UNC5C: variants seen among roughly 807,000 people sequenced by gnomAD.
The protein encoded by UNC5C is netrin receptor UNC5C.
In UNC5C, 47 loss-of-function variants were observed where a neutral mutation model predicts 99.8. That is an observed-to-expected ratio of 0.47 (90% CI 0.37 to 0.60). The LOEUF is 0.60. Among genes scored for constraint, UNC5C ranks in the 20% least tolerant of loss-of-function variants. The pLI, the probability that UNC5C is intolerant of heterozygous loss-of-function variation, is 0.00. For synonymous variants in UNC5C, 487 were observed against 452.2 expected, an observed-to-expected ratio of 1.08 and a Z score of -0.98; for missense variants, 1,062 against 1,165.9, an observed-to-expected ratio of 0.91 and a Z score of 1.30.
rs951938683 is a variant in UNC5C at position 95,163,953 on chromosome 4, G to A, written c.*5281C>T. On this transcript the variant is annotated 3_prime_UTR_variant, in exon 16 of 16. Transcript: ENST00000453304. ...GTACCTGTTGGTTTGTCCTGCTGAT[G>A]CCCCCCAACCATGCTAAATAGGTCT... 13 of 152,296 alleles carry A rather than the reference G, an allele frequency of 8.5e-5. No homozygotes were observed. Among genetic ancestry groups the A allele is most frequent in the African/African-American group, 3.1e-4 (13 of 41,544 alleles). The allele number at this position is 152,296 out of a possible 1,614,324, so 9.4% of individuals were successfully genotyped here.
chr4:95,245,294 T>C (rs756423305), intron 5 of UNC5C, 150 bp from the exon 6 acceptor site: 5 of 879,010 alleles, frequency 5.7e-6, no homozygotes, highest in Admixed American at 3.7e-5. Context: ...GAAGAGACCA[T>C]GGACCTCATT....
chr4:95,468,892 C>G (rs1747879970), intron 1 of UNC5C, among the ~76,000 whole-genome samples: 1 of 152,162 alleles, frequency 6.6e-6, no homozygotes, highest in African/African-American at 2.4e-5. Flanking sequence ...TGGCAAGGTA[C>G]TTCCTGACTT....
chr4:95,509,227 A>AT lies in UNC5C; in HGVS notation c.124+39506dup, dbSNP rs201400209. ...TGTAGTTTTTTTCTAGTAACCATAC[A>AT]TTTTTTTGCAGTCTGTACCTATACT... On this transcript the variant is annotated intron_variant, in intron 1 of 15. Transcript: ENST00000453304. Among the ~76,000 whole-genome samples, 313 of 151,890 alleles carry AT rather than the reference A, an allele frequency of 2.1e-3. 5 individuals are homozygous for AT. The East Asian group carries it at 0.048, about 23-fold the overall frequency.
At chr4:95,390,074 T>C (rs947297409) in intron 1 of UNC5C, among the ~76,000 whole-genome samples, 18 of 152,112 alleles carry the variant, frequency 1.2e-4, no homozygotes, top group Non-Finnish European at 2.4e-4. Flanking sequence ...TTTTCGATCA[T>C]AATCTCCATT....
At chr4:95,218,496 A>C (rs570504536) in intron 9 of UNC5C, among the ~76,000 whole-genome samples, 3 of 152,334 alleles carry the variant, frequency 2.0e-5, no homozygotes, top group Non-Finnish European at 2.9e-5. Flanking sequence ...CTGTGTGATC[A>C]AGTTAGGTTA....
chr4:95,233,288 A>G (rs1738981291), intron 7 of UNC5C, among the ~76,000 whole-genome samples: 1 of 152,218 alleles, frequency 6.6e-6, no homozygotes, highest in East Asian at 1.9e-4. Flanking sequence ...TGATGCAGAC[A>G]CAATTCCAAG....
At chr4:95,363,415 A>G (rs1048462386) in intron 1 of UNC5C, among the ~76,000 whole-genome samples, 1 of 152,154 alleles carries the variant, frequency 6.6e-6, no homozygotes, top group Middle Eastern at 3.2e-3. Context: ...AAACAAGTGG[A>G]GATTTTATGA....
intron 2 of UNC5C, among the ~76,000 whole-genome samples, chr4:95,318,515 A>C (rs1288592166): frequency 6.6e-6 from 1 of 152,220 alleles, no homozygotes; most frequent in Non-Finnish European, 1.5e-5. Flanking sequence ...TGATAGAGCA[A>C]AAAGGTGAGA....
chr4:95,394,287 C>T (rs1006404085), intron 1 of UNC5C, among the ~76,000 whole-genome samples: 6 of 150,462 alleles, frequency 4.0e-5, no homozygotes, highest in Non-Finnish European at 7.4e-5. Flanking sequence ...ATCCCACTAA[C>T]GCAAGTTTTG....
chr4:95,423,550 A>G (rs1746379864), intron 1 of UNC5C, among the ~76,000 whole-genome samples: 1 of 152,232 alleles, frequency 6.6e-6, no homozygotes, highest in African/African-American at 2.4e-5. Context: ...AAAAGTTCCC[A>G]TGGTATTCTT....
At chr4:95,204,238 A>T (rs1447176004) in intron 11 of UNC5C, among the ~76,000 whole-genome samples, 2 of 152,242 alleles carry the variant, frequency 1.3e-5, no homozygotes, top group Non-Finnish European at 2.9e-5. Flanking sequence ...TTTTTATTTT[A>T]AAAAATAGTT....
intron 1 of UNC5C, among the ~76,000 whole-genome samples, chr4:95,501,651 G>T (rs2149484502): frequency 6.6e-6 from 1 of 152,166 alleles, no homozygotes; most frequent in African/African-American, 2.4e-5. Context: ...AAGTAAAGTG[G>T]TTTTAAAAAT....
chr4:95,284,035 T>A (rs1289069734), intron 3 of UNC5C, among the ~76,000 whole-genome samples: 1 of 152,222 alleles, frequency 6.6e-6, no homozygotes, highest in Non-Finnish European at 1.5e-5. Context: ...ATTTTCCATT[T>A]ATACATAACC....
intron 13 of UNC5C, among the ~76,000 whole-genome samples, chr4:95,184,733 T>A (rs562937928): frequency 1.3e-5 from 2 of 152,202 alleles, no homozygotes; most frequent in African/African-American, 2.4e-5. Flanking sequence ...TTTCTGTGAA[T>A]GCATTTCAAG....
intron 5 of UNC5C, among the ~76,000 whole-genome samples, chr4:95,249,877 A>G (rs1331913289): frequency 2.0e-5 from 3 of 152,218 alleles, no homozygotes; most frequent in Non-Finnish European, 4.4e-5. Context: ...AGAATGAGTT[A>G]TAAGAAGCTA....
chr4:95,547,424 A>G (rs575167926), intron 1 of UNC5C, among the ~76,000 whole-genome samples: 28 of 152,148 alleles, frequency 1.8e-4, no homozygotes, highest in Admixed American at 1.8e-3. Flanking sequence ...CTAAGATCAG[A>G]GGGAATGCTG....
At chr4:95,386,916 T>C (rs1745227365) in intron 1 of UNC5C, among the ~76,000 whole-genome samples, 1 of 152,168 alleles carries the variant, frequency 6.6e-6, no homozygotes, top group African/African-American at 2.4e-5. Flanking sequence ...ATTAGAAACC[T>C]ATACAAGATG....
intron 4 of UNC5C, among the ~76,000 whole-genome samples, chr4:95,276,466 T>G (rs541171709): frequency 1.4e-4 from 21 of 152,172 alleles, no homozygotes; most frequent in Admixed American, 1.2e-3. Flanking sequence ...TCAAGGAGAC[T>G]GAAAAAAATG....
chr4:95,548,824 A>G lies in UNC5C; in HGVS notation c.34T>C (p.Cys12Arg). ...AGCAAGTATCCCAGTCCCAGTCCGC[A>G]GCGGGCCGCTGTCGCCCGCAGACCT... ...RKGLRATAAR[C>R]GLGLGYLLQM... The change falls in exon 1 of 16, where the codon TGC (cysteine) becomes CGC (arginine). Residue 12 changes from cysteine to arginine, a missense_variant. Cys to Arg is a radical substitution (Grantham distance 180). Around this residue, in one of 3 missense-constraint regions of UNC5C, gnomAD observed 249 missense variants for 295.1 expected, o/e 0.84. Transcript: ENST00000453304. 6.2e-7 allele frequency: 1 copy of G among 1,613,278 alleles called. No homozygotes were observed. The highest frequency in any genetic ancestry group is 1.1e-5 in the South Asian group (1 of 91,052).
Sources: allele counts gnomAD v4.1 joint callset (sites outside exome capture counted in the v4.1 genomes callset), GRCh38; gene constraint gnomAD v4.1.1; regional missense constraint gnomAD v4.1.1; transcripts MANE v1.5; gene names NCBI Gene and HGNC (gene_info 2026-07-23, HGNC 2026-07-21).